Variants in CAMKMT observed in about 807,000 individuals in gnomAD.
CAMKMT encodes calmodulin-lysine N-methyltransferase, also known as CaM KMT.
Under a neutral mutation model 48.0 loss-of-function variants are expected in CAMKMT, and 53 were observed. That is an observed-to-expected ratio of 1.10 (90% confidence interval 0.89 to 1.39). The LOEUF is 1.39. Among genes scored for constraint, CAMKMT ranks in the 40% most tolerant of loss-of-function variants. The probability of loss-of-function intolerance (pLI) is 0.00; values close to 1 mark genes in which losing one functional copy is unlikely to be tolerated. For missense variants in CAMKMT, 428 were observed against 402.7 expected, an observed-to-expected ratio of 1.06 and a Z score of -0.54; for synonymous variants, 165 against 152.3, an observed-to-expected ratio of 1.08 and a Z score of -0.61.
At chr2:44,365,729 A>G (rs994806078) in intron 1 of CAMKMT, among the ~76,000 whole-genome samples, 1 of 152,226 alleles carries the variant, frequency 6.6e-6, no homozygotes, top group Non-Finnish European at 1.5e-5. Context: ...CTAGAATTAC[A>G]TAGAGTGAGA....
At chr2:44,393,589 A>G (rs1450124270) in intron 3 of CAMKMT, 1 of 152,196 alleles carries the variant, frequency 6.6e-6, no homozygotes, top group Non-Finnish European at 1.5e-5. Context: ...TTGAGATATC[A>G]AAGCTTCTTG....
intron 3 of CAMKMT, among the ~76,000 whole-genome samples, chr2:44,513,336 CTGT>C (rs1389401076): frequency 6.7e-6 from 1 of 148,212 alleles, no homozygotes; most frequent in Admixed American, 7.0e-5. Flanking sequence ...AGCTCGATAA[CTGT>C]TGTTGAATTA....
intron 8 of CAMKMT, among the ~76,000 whole-genome samples, chr2:44,752,472 C>T (rs1159504125): frequency 6.6e-6 from 1 of 152,138 alleles, no homozygotes; most frequent in Non-Finnish European, 1.5e-5. Context: ...TGGTGTTTGG[C>T]AGCCAGCTCT....
At chr2:44,460,485 A>G (rs139392018) in intron 3 of CAMKMT, among the ~76,000 whole-genome samples, 1 of 152,200 alleles carries the variant, frequency 6.6e-6, no homozygotes, top group Non-Finnish European at 1.5e-5. Context: ...ACTTGAGGAT[A>G]TTGGCTTTGC....
intron 3 of CAMKMT, among the ~76,000 whole-genome samples, chr2:44,521,281 C>T (rs561481664): frequency 1.3e-5 from 2 of 152,000 alleles, no homozygotes; most frequent in East Asian, 3.9e-4. Flanking sequence ...ACTATTATCC[C>T]AATATTTTTT....
At chr2:44,389,948 A>G (rs1681160853) in intron 2 of CAMKMT, among the ~76,000 whole-genome samples, 1 of 152,188 alleles carries the variant, frequency 6.6e-6, no homozygotes, top group African/African-American at 2.4e-5. Context: ...TGGCTTTAAA[A>G]AGGTTAAGAA....
intron 3 of CAMKMT, among the ~76,000 whole-genome samples, chr2:44,568,679 G>A (rs1476404966): frequency 6.6e-6 from 1 of 152,130 alleles, no homozygotes; most frequent in African/African-American, 2.4e-5. Flanking sequence ...GGGTCCATGA[G>A]GGCACCTCAT....
At chr2:44,518,201 G>T (rs561438280) in intron 3 of CAMKMT, among the ~76,000 whole-genome samples, 7 of 151,320 alleles carry the variant, frequency 4.6e-5, no homozygotes, top group African/African-American at 1.7e-4. Context: ...TGGCATTATT[G>T]TTAGACAAAA....
chr2:44,609,870 T>TA (rs1484872452), intron 3 of CAMKMT, among the ~76,000 whole-genome samples: 1 of 152,180 alleles, frequency 6.6e-6, no homozygotes, highest in African/African-American at 2.4e-5. Flanking sequence ...CTGATGGAAT[T>TA]ACAAAACATC....
intron 3 of CAMKMT, among the ~76,000 whole-genome samples, chr2:44,635,009 G>T (rs1381969054): frequency 1.3e-5 from 2 of 152,246 alleles, no homozygotes; most frequent in South Asian, 2.1e-4. Flanking sequence ...GGAGTTTGAG[G>T]TTACAATGAA....
chr2:44,717,009 A>C (rs751033763), intron 7 of CAMKMT, among the ~76,000 whole-genome samples: 7 of 152,210 alleles, frequency 4.6e-5, no homozygotes, highest in Non-Finnish European at 8.8e-5. Flanking sequence ...TGTTTAACTT[A>C]TGGAGTGCAA....
At chr2:44,595,827 C>T (rs1011768444) in intron 3 of CAMKMT, among the ~76,000 whole-genome samples, 4 of 152,144 alleles carry the variant, frequency 2.6e-5, no homozygotes, top group African/African-American at 9.7e-5. Flanking sequence ...AATTCATGTC[C>T]TTTGCAGGGA....
chr2:44,578,408 T>C (rs956097334), intron 3 of CAMKMT, among the ~76,000 whole-genome samples: 3 of 152,176 alleles, frequency 2.0e-5, no homozygotes, highest in African/African-American at 7.2e-5. Context: ...TGCTGCTTTA[T>C]GAAATGTTAT....
At chr2:44,593,771 T>TC (rs1670465564) in intron 3 of CAMKMT, among the ~76,000 whole-genome samples, 1 of 150,684 alleles carries the variant, frequency 6.6e-6, no homozygotes, top group Admixed American at 6.6e-5. Context: ...TCCTTTTTTT[T>TC]TTTTTTTTTG....
At chr2:44,621,091 A>T (rs1336767811) in intron 3 of CAMKMT, among the ~76,000 whole-genome samples, 1 of 151,942 alleles carries the variant, frequency 6.6e-6, no homozygotes, top group Non-Finnish European at 1.5e-5. Flanking sequence ...AAACGGTGAA[A>T]CCCCGTCTCT....
At chr2:44,546,654 CT>C (rs1007943415) in intron 3 of CAMKMT, among the ~76,000 whole-genome samples, 8 of 152,324 alleles carry the variant, frequency 5.3e-5, no homozygotes, top group Middle Eastern at 6.8e-3. Context: ...TGCGTTGCCC[CT>C]GGGCAGCTGT....
intron 3 of CAMKMT, among the ~76,000 whole-genome samples, chr2:44,571,806 T>C (rs1453729707): frequency 1.3e-5 from 2 of 152,058 alleles, no homozygotes; most frequent in African/African-American, 4.8e-5. Context: ...TGAGACCCTG[T>C]CTCTAAAAAA....
chr2:44,650,428 A>G (rs1331562421), intron 3 of CAMKMT, among the ~76,000 whole-genome samples: 1 of 152,218 alleles, frequency 6.6e-6, no homozygotes, highest in Non-Finnish European at 1.5e-5. Flanking sequence ...ATTTTGAGGT[A>G]TTGTGGGTTA....
intron 3 of CAMKMT, among the ~76,000 whole-genome samples, chr2:44,480,039 A>G (rs1225249232): frequency 6.6e-6 from 1 of 152,178 alleles, no homozygotes; most frequent in African/African-American, 2.4e-5. Context: ...CCTAGTTGCT[A>G]TACAAGCATA....
Sources: gnomAD v4.1 joint callset for allele counts (sites outside exome capture counted in the v4.1 genomes callset) on GRCh38, gnomAD v4.1.1 for gene constraint, MANE v1.5 for transcripts, NCBI Gene and HGNC (gene_info 2026-07-23, HGNC 2026-07-21) for gene names.